Variants in ZNF267 observed in about 807,000 individuals in gnomAD.
ZNF267 encodes the protein zinc finger protein 267.
ZNF267 carries 61 observed loss-of-function variants against 71.6 expected under a neutral mutation model. The observed-to-expected ratio is 0.85, with a 90% CI of 0.69 to 1.05. The LOEUF (loss-of-function observed/expected upper bound fraction) is 1.05. Among genes scored for constraint, ZNF267 ranks in the 50% least tolerant of loss-of-function variants. The pLI is 0.00. For synonymous variants in ZNF267, 288 were observed against 293.2 expected (o/e 0.98, Z 0.18); for missense variants, 852 against 870.0 (o/e 0.98, Z 0.26).
chr16:31,878,269 T>G (rs1005593789), intron 1 of ZNF267, among the ~76,000 whole-genome samples: 3 of 152,052 alleles, frequency 2.0e-5, no homozygotes, highest in Non-Finnish European at 2.9e-5. Context: ...CCACTGTGCA[T>G]TGTCCTTTGA....
chr16:31,902,319 A>G (rs1186817297), intron 3 of ZNF267, among the ~76,000 whole-genome samples: 1 of 151,876 alleles, frequency 6.6e-6, no homozygotes, highest in Non-Finnish European at 1.5e-5. Flanking sequence ...AGTTTTTTCC[A>G]ATTCTGTGAA....
chr16:31,875,752 C>T (rs944548459), intron 1 of ZNF267, among the ~76,000 whole-genome samples: 6 of 152,160 alleles, frequency 3.9e-5, no homozygotes, highest in African/African-American at 1.4e-4. Context: ...CATTACCACT[C>T]CCTGAGTTTG....
chr16:31,892,807 G>A (rs1282504571), intron 3 of ZNF267, among the ~76,000 whole-genome samples: 1 of 152,264 alleles, frequency 6.6e-6, no homozygotes, highest in Admixed American at 6.5e-5. Context: ...GCCTTGGGCA[G>A]CTCTGCCCCT....
intron 1 of ZNF267, among the ~76,000 whole-genome samples, chr16:31,880,264 C>G (rs146745518): frequency 6.6e-6 from 1 of 152,310 alleles, no homozygotes; most frequent in African/African-American, 2.4e-5. Context: ...TACAGCAGTT[C>G]TGTGAGTGGT....
chr16:31,877,499 T>C (rs1446375885), intron 1 of ZNF267, among the ~76,000 whole-genome samples: 2 of 152,198 alleles, frequency 1.3e-5, no homozygotes, highest in Non-Finnish European at 2.9e-5. Flanking sequence ...TTCACTCTGA[T>C]GTCAGCCTGT....
At chr16:31,883,376 A>G (rs2083902917) in intron 1 of ZNF267, among the ~76,000 whole-genome samples, 1 of 152,202 alleles carries the variant, frequency 6.6e-6, no homozygotes, top group Non-Finnish European at 1.5e-5. Context: ...CAGAAATATT[A>G]TCTTACTTTT....
At chr16:31,887,451 G>C (rs1225158659) in intron 3 of ZNF267, among the ~76,000 whole-genome samples, 3 of 151,714 alleles carry the variant, frequency 2.0e-5, no homozygotes, top group Non-Finnish European at 4.4e-5. Context: ...TGATGTGATA[G>C]CCAGAAAAAT....
intron 3 of ZNF267, among the ~76,000 whole-genome samples, chr16:31,888,614 A>G (rs1006466633): frequency 6.6e-6 from 1 of 152,080 alleles, no homozygotes; most frequent in Non-Finnish European, 1.5e-5. Context: ...TTATTGTGGT[A>G]TATCATTTAA....
Position 31,886,311 on chromosome 16 carries a change from G to C in ZNF267, c.226+1055G>C, listed in dbSNP as rs564544995. ...AATCTCAAGTATACTGTAGTGCAGGGGTCTATAGTACTGGTCTGTGGCCTG... is the reference window on the plus strand; with the variant it reads ...AATCTCAAGTATACTGTAGTGCAGGCGTCTATAGTACTGGTCTGTGGCCTG... On this transcript the variant is annotated intron_variant, in intron 3 of 3. Transcript: ENST00000300870. Among the ~76,000 whole-genome samples the C allele has an allele frequency of 3.0e-4, 45 of 152,218 alleles. 2 individuals carry two copies. Among genetic ancestry groups the C allele is most frequent in the South Asian group, 1.0e-3 (5 of 4,814 alleles).
intron 1 of ZNF267, among the ~76,000 whole-genome samples, chr16:31,882,292 T>A (rs930544420): frequency 2.0e-5 from 3 of 152,238 alleles, no homozygotes; most frequent in Non-Finnish European, 4.4e-5. Flanking sequence ...ATCTGTAGAC[T>A]TTAAATGGCT....
At chr16:31,898,082 CTAT>C (rs1178925025) in intron 3 of ZNF267, among the ~76,000 whole-genome samples, 10 of 152,046 alleles carry the variant, frequency 6.6e-5, no homozygotes, top group East Asian at 5.8e-4. Context: ...AAGTCTTCTA[CTAT>C]TATTGTGCTG....
rs1176189858 is a variant in ZNF267 at position 31,873,818 on chromosome 16, G to C, written c.-149G>C. The C allele has an allele frequency of 9.3e-7, 1 of 1,080,704 alleles. No homozygotes were observed. The highest frequency in any genetic ancestry group is 1.4e-6 in the Non-Finnish European group (1 of 715,592). The allele number at this position is 1,080,704 out of a possible 1,614,324, so 66.9% of individuals were successfully genotyped here. A position where few individuals can be genotyped will look rare whatever the true frequency, so the allele number is the denominator to read the frequency against. ...CCTTCGTCGGCTCCAGTTAGAGCTCGGGTCTCCTCGCCACAGCTCCGAGTC... is the reference window on the plus strand; with the variant it reads ...CCTTCGTCGGCTCCAGTTAGAGCTCCGGTCTCCTCGCCACAGCTCCGAGTC... On this transcript the variant is annotated 5_prime_UTR_variant, in exon 1 of 4. Transcript: ENST00000300870.
chr16:31,906,889 T>G (rs1013186558), intron 3 of ZNF267, among the ~76,000 whole-genome samples: 9 of 152,192 alleles, frequency 5.9e-5, no homozygotes, highest in Non-Finnish European at 1.3e-4. Flanking sequence ...AGCTGTAGAC[T>G]GGAGCTGTTC....
intron 3 of ZNF267, chr16:31,913,026 T>C (rs1184164316): frequency 6.6e-6 from 1 of 152,190 alleles, no homozygotes; most frequent in Non-Finnish European, 1.5e-5. Context: ...GTTTGTTAGG[T>C]GAGGCCATAT....
intron 3 of ZNF267, chr16:31,914,248 A>T (rs2084155594): frequency 2.2e-6 from 1 of 455,582 alleles, no homozygotes; most frequent in Admixed American, 3.9e-5. Context: ...CTGAGGGGCA[A>T]GGGCAAGGTG....
intron 3 of ZNF267, among the ~76,000 whole-genome samples, chr16:31,910,653 GT>G (rs1193089509): frequency 4.0e-5 from 6 of 150,804 alleles, no homozygotes; most frequent in African/African-American, 9.8e-5. Context: ...CAAGCTAAAG[GT>G]TTGTAAATTT....
rs1169575555 is a variant in ZNF267 at position 31,916,864 on chromosome 16, ATTT to A, written c.*384_*386del. 5.7e-6 allele frequency: 1 copy of A among 175,726 alleles called. No individual in the cohort carries two copies. The highest frequency in any genetic ancestry group is 2.4e-5 in the African/African-American group (1 of 41,738). The allele number at this position is 175,726 out of a possible 1,614,324, so 10.9% of individuals were successfully genotyped here. A position where few individuals can be genotyped will look rare whatever the true frequency, so the allele number is the denominator to read the frequency against. On this transcript the variant is annotated 3_prime_UTR_variant, in exon 4 of 4. Transcript: ENST00000300870. ...AAATGAAGTCTAAATGTGTCAGAGAATTTATGTGAGAAAGGACTAAAGCACAGA... is the reference window on the plus strand; with the variant it reads ...AAATGAAGTCTAAATGTGTCAGAGAAATGTGAGAAAGGACTAAAGCACAGA...
At chr16:31,903,914 G>T (rs1345728762) in intron 3 of ZNF267, among the ~76,000 whole-genome samples, 1 of 152,110 alleles carries the variant, frequency 6.6e-6, no homozygotes, top group South Asian at 2.1e-4. Context: ...GCTTTCTCTT[G>T]TGGGCATTTA....
At chr16:31,908,073 C>T (rs768962333) in intron 3 of ZNF267, among the ~76,000 whole-genome samples, 1 of 151,716 alleles carries the variant, frequency 6.6e-6, no homozygotes, top group Non-Finnish European at 1.5e-5. Context: ...ATAATAAATA[C>T]ACTAGGTGTG....
Sources: gnomAD v4.1 joint callset for allele counts (sites outside exome capture counted in the v4.1 genomes callset) on GRCh38, gnomAD v4.1.1 for gene constraint, MANE v1.5 for transcripts, NCBI Gene and HGNC (gene_info 2026-07-23, HGNC 2026-07-21) for gene names.